The following SOX5 variants were observed in gnomAD, a reference collection of about 807,000 sequenced individuals.
The protein encoded by SOX5 is SRY-box transcription factor 5.
SOX5 carries 9 observed loss-of-function variants against 92.0 expected under a neutral mutation model. The observed-to-expected ratio is 0.10, with a 90% CI of 0.06 to 0.17. The LOEUF (loss-of-function observed/expected upper bound fraction) is 0.17, where lower values mean the gene tolerates loss of function less well. SOX5 is among the 10% of genes least tolerant of loss of function. SOX5 has a pLI of 1.00. For synonymous variants in SOX5, 344 were observed against 336.3 expected, an observed-to-expected ratio of 1.02 and a Z score of -0.25; for missense variants, 642 against 944.5, an observed-to-expected ratio of 0.68 and a Z score of 4.20.
chr12:23,733,355 T>C (rs1373183722), intron 6 of SOX5, among the ~76,000 whole-genome samples: 1 of 152,188 alleles, frequency 6.6e-6, no homozygotes, highest in Non-Finnish European at 1.5e-5. Flanking sequence ...CCAGGTACCA[T>C]CGACTAAAAA....
chr12:23,841,729 T>G (rs2096518904), intron 3 of SOX5, among the ~76,000 whole-genome samples: 1 of 152,092 alleles, frequency 6.6e-6, no homozygotes. Context: ...TATATGGTTT[T>G]CTAGGAAAGG....
At chr12:24,392,832 C>G (rs889361885) in intron 1 of SOX5, among the ~76,000 whole-genome samples, 1 of 152,018 alleles carries the variant, frequency 6.6e-6, no homozygotes, top group Non-Finnish European at 1.5e-5. Flanking sequence ...ACATCTAAGA[C>G]TATAACTTAT....
intron 2 of SOX5, chr12:24,368,208 G>A (rs1489908866): frequency 6.6e-6 from 1 of 152,120 alleles, no homozygotes; most frequent in Non-Finnish European, 1.5e-5. Flanking sequence ...AAGAAGAAAT[G>A]TACATTGTTG....
At chr12:24,403,662 G>A (rs74070052) in intron 1 of SOX5, among the ~76,000 whole-genome samples, 5,787 of 152,230 alleles carry the variant, frequency 0.038, 360 homozygotes, top group African/African-American at 0.13. Flanking sequence ...CCTGTGCCAA[G>A]CTTATTTACA....
At chr12:24,170,035 A>G (rs1593862448) in intron 4 of SOX5, among the ~76,000 whole-genome samples, 1 of 101,414 alleles carries the variant, frequency 9.9e-6, no homozygotes, top group East Asian at 2.2e-4. Flanking sequence ...ATTTTTTTTC[A>G]GAGGAGAGTG....
chr12:24,187,819 C>T (rs1393580565), intron 4 of SOX5, among the ~76,000 whole-genome samples: 1 of 152,170 alleles, frequency 6.6e-6, no homozygotes, highest in Non-Finnish European at 1.5e-5. Flanking sequence ...AATTCAATCT[C>T]ATAGAATATG....
intron 1 of SOX5, among the ~76,000 whole-genome samples, chr12:24,386,635 C>T (rs1418498771): frequency 6.6e-6 from 1 of 152,102 alleles, no homozygotes; most frequent in African/African-American, 2.4e-5. Context: ...TTGGGGAATA[C>T]CTGTCAGAAC....
chr12:23,767,901 A>T (rs1233366878), intron 3 of SOX5, among the ~76,000 whole-genome samples: 3 of 152,018 alleles, frequency 2.0e-5, no homozygotes, highest in Non-Finnish European at 4.4e-5. Context: ...TCTCTTTCAC[A>T]CACATGTGTA....
chr12:24,130,289 G>A lies in SOX5; in HGVS notation c.-2+83054C>T, dbSNP rs572660595. ...TACTGAAGAAAGCGACGCATCTGGG[G>A]TGAATAATGTGGGTGGTCACTATGT... is the stretch of plus-strand genomic sequence containing the variant. On this transcript the variant is annotated intron_variant, in intron 4 of 4. Coordinates refer to the SOX5 transcript ENST00000446891. Among the ~76,000 whole-genome samples, 6 of 152,320 alleles carry A rather than the reference G, an allele frequency of 3.9e-5. No homozygotes were observed. In the East Asian group the frequency reaches 1.2e-3, roughly 29 times the overall value.
intron 1 of SOX5, among the ~76,000 whole-genome samples, chr12:23,921,006 C>G (rs1484954445): frequency 6.6e-6 from 1 of 152,084 alleles, no homozygotes; most frequent in African/African-American, 2.4e-5. Flanking sequence ...ATTCTTTGGG[C>G]TAACACAGTG....
At chr12:24,426,476 T>C (rs1314968576) in intron 1 of SOX5, among the ~76,000 whole-genome samples, 1 of 152,220 alleles carries the variant, frequency 6.6e-6, no homozygotes, top group Non-Finnish European at 1.5e-5. Context: ...TAAAAAGTCA[T>C]AATTATACAC....
chr12:24,297,997 C>T (rs1484149461), intron 2 of SOX5, among the ~76,000 whole-genome samples: 2 of 151,976 alleles, frequency 1.3e-5, no homozygotes, highest in Non-Finnish European at 2.9e-5. Flanking sequence ...TATGAATACG[C>T]ATTACTCCTT....
At chr12:23,972,446 C>T (rs926716053) in intron 4 of SOX5, among the ~76,000 whole-genome samples, 3 of 152,136 alleles carry the variant, frequency 2.0e-5, no homozygotes, top group Non-Finnish European at 4.4e-5. Context: ...CAACCTCCAC[C>T]TCCTGGGTTC....
chr12:23,723,193 GCTCT>G (rs1004007300), intron 6 of SOX5, among the ~76,000 whole-genome samples: 2 of 150,542 alleles, frequency 1.3e-5, no homozygotes, highest in Admixed American at 6.6e-5. Context: ...ATGTTTTCTT[GCTCT>G]CTCTCTCTCT....
intron 1 of SOX5, among the ~76,000 whole-genome samples, chr12:23,934,428 T>G (rs553025344): frequency 1.3e-5 from 2 of 149,596 alleles, no homozygotes; most frequent in South Asian, 4.2e-4. Context: ...TGTGTATATA[T>G]GTATACACAT....
chr12:23,800,229 A>G (rs1449263351), intron 3 of SOX5, among the ~76,000 whole-genome samples: 5 of 152,184 alleles, frequency 3.3e-5, no homozygotes, highest in African/African-American at 1.2e-4. Flanking sequence ...ATTTGTGTCT[A>G]TAAGTAAAGT....
At chr12:24,431,571 C>T (rs1938333740) in intron 1 of SOX5, among the ~76,000 whole-genome samples, 1 of 151,182 alleles carries the variant, frequency 6.6e-6, no homozygotes, top group Non-Finnish European at 1.5e-5. Context: ...GAACAGTTAC[C>T]ATGAGATCTA....
chr12:24,210,619 T>A (rs1374776932), intron 4 of SOX5, among the ~76,000 whole-genome samples: 6 of 152,196 alleles, frequency 3.9e-5, no homozygotes, highest in Admixed American at 2.6e-4. Context: ...ACTAACTGAA[T>A]GCACACAATT....
intron 4 of SOX5, among the ~76,000 whole-genome samples, chr12:24,053,530 AAAG>A (rs1224382652): frequency 6.6e-6 from 1 of 152,206 alleles, no homozygotes; most frequent in African/African-American, 2.4e-5. Flanking sequence ...TTTACTCTAT[AAAG>A]AAGAGATCCT....
Sources: allele counts gnomAD v4.1 joint callset (sites outside exome capture counted in the v4.1 genomes callset), GRCh38; gene constraint gnomAD v4.1.1; transcripts MANE v1.5; gene names NCBI Gene and HGNC (gene_info 2026-07-23, HGNC 2026-07-21).